Variants in SLCO3A1 observed in about 807,000 individuals in gnomAD.
SLCO3A1 encodes PGE1 transporter.
In SLCO3A1, 27 loss-of-function variants were observed where a neutral mutation model predicts 63.1. The observed-to-expected ratio is 0.43, with a 90% confidence interval of 0.32 to 0.59. SLCO3A1 has a LOEUF of 0.59. SLCO3A1 is among the 20% of genes least tolerant of loss of function. The pLI is 0.09. For missense variants in SLCO3A1, 773 were observed against 945.8 expected (o/e 0.82, Z 2.40); for synonymous variants, 473 against 409.9 (o/e 1.15, Z -1.86).
chr15:92,115,374 C>T (rs1486066468), intron 4 of SLCO3A1, among the ~76,000 whole-genome samples: 1 of 152,266 alleles, frequency 6.6e-6, no homozygotes, highest in Non-Finnish European at 1.5e-5. Flanking sequence ...CACCAAGCAG[C>T]GCACACAGAT....
At chr15:92,032,343 A>G (rs1019483389) in intron 2 of SLCO3A1, among the ~76,000 whole-genome samples, 1 of 152,072 alleles carries the variant, frequency 6.6e-6, no homozygotes, top group African/African-American at 2.4e-5. Context: ...AGGATGCAGA[A>G]CCACAGAGGT....
At chr15:92,115,278 C>T (rs909521611) in intron 4 of SLCO3A1, among the ~76,000 whole-genome samples, 5 of 152,138 alleles carry the variant, frequency 3.3e-5, no homozygotes, top group Non-Finnish European at 5.9e-5. Flanking sequence ...TTCTTGACCA[C>T]AGAGATGGCC....
chr15:91,901,004 C>T (rs1898140627), intron 1 of SLCO3A1, among the ~76,000 whole-genome samples: 1 of 152,096 alleles, frequency 6.6e-6, no homozygotes, highest in African/African-American at 2.4e-5. Flanking sequence ...GGGCTCTATT[C>T]TTAGGTTGAT....
At chr15:91,914,679 C>T (rs528662691) in intron 1 of SLCO3A1, among the ~76,000 whole-genome samples, 1 of 151,026 alleles carries the variant, frequency 6.6e-6, no homozygotes, top group East Asian at 2.0e-4. Context: ...AAGCAATTCT[C>T]CTGCCTCAGC....
chr15:92,100,991 C>T (rs1055632375), intron 3 of SLCO3A1, among the ~76,000 whole-genome samples: 2 of 152,160 alleles, frequency 1.3e-5, no homozygotes, highest in South Asian at 2.1e-4. Context: ...CTTATAGTTA[C>T]ACCTAACTTC....
intron 1 of SLCO3A1, among the ~76,000 whole-genome samples, chr15:91,907,519 C>CT (rs762360188): frequency 2.4e-4 from 36 of 150,604 alleles, no homozygotes; most frequent in Non-Finnish European, 4.1e-4. Flanking sequence ...GGAGGCCTTT[C>CT]TTTTTTTTCT....
intron 1 of SLCO3A1, among the ~76,000 whole-genome samples, chr15:91,903,112 G>C (rs577908675): frequency 5.3e-5 from 8 of 152,318 alleles, no homozygotes; most frequent in Admixed American, 5.2e-4. Flanking sequence ...CTGGTGGCTC[G>C]CACGTAGTCA....
At chr15:91,994,864 T>C (rs139779840) in intron 2 of SLCO3A1, among the ~76,000 whole-genome samples, 259 of 152,322 alleles carry the variant, frequency 1.7e-3, no homozygotes, top group African/African-American at 6.2e-3. Context: ...CCTGCAGACA[T>C]GGGCCTTGCC....
At chr15:92,131,793 G>T (rs754727430) in intron 7 of SLCO3A1, among the ~76,000 whole-genome samples, 5 of 145,622 alleles carry the variant, frequency 3.4e-5, no homozygotes, top group Non-Finnish European at 7.7e-5. Context: ...ATCTCTCAGG[G>T]CTGTCTCTCC....
At position 91,865,033 on chromosome 15, in the gene SLCO3A1, T is replaced by C. The variant is rs548662046; in HGVS notation, c.180+10945T>C. ...GGCATTTGCCATGGGCAGTGTCCTT[T>C]CTGCCCCCTCCGTGGTTGGCCACCC... On this transcript the variant is annotated intron_variant, in intron 1 of 9. Coordinates refer to ENST00000318445, the MANE Select transcript of SLCO3A1 (RefSeq NM_013272.4). The surrounding 1 kb of genome is among the most constrained non-coding windows in gnomAD (Gnocchi z 4.6). 3.7e-4 allele frequency among the ~76,000 whole-genome samples: 57 copies of C among 152,200 alleles called. No individual in the cohort carries two copies. The highest frequency in any genetic ancestry group is 6.5e-4 in the Non-Finnish European group (44 of 68,036).
intron 2 of SLCO3A1, among the ~76,000 whole-genome samples, chr15:92,080,818 T>A (rs1402714542): frequency 6.6e-6 from 1 of 152,200 alleles, no homozygotes; most frequent in Non-Finnish European, 1.5e-5. Flanking sequence ...TGGCTGCCCC[T>A]CCACCTTCCA....
chr15:91,916,004 G>T lies in SLCO3A1; in HGVS notation c.192G>T (p.Leu64=). Residue 64 remains leucine (L), a synonymous_variant, in exon 2 of 10, where the codon CTG becomes CTT. Coordinates refer to ENST00000318445, the MANE Select transcript of SLCO3A1 (RefSeq NM_013272.4). This position sits in a 1 kb window ranked among gnomAD's most constrained non-coding sequence, Gnocchi z 6.2. ...GTVGAYLVSV[L]TTLERRFNLQ... is the part of the protein sequence containing the mutation. Reference sequence around the variant, plus strand: ...CTTGCCCCCCTCAGGTGAGCGTCCTGACCACCCTGGAGCGTAGGTTCAACC... The same window carrying T: ...CTTGCCCCCCTCAGGTGAGCGTCCTTACCACCCTGGAGCGTAGGTTCAACC... 6.2e-7 allele frequency: 1 copy of T among 1,612,288 alleles called. No homozygotes were observed. The highest frequency in any genetic ancestry group is 1.1e-5 in the South Asian group (1 of 90,862).
intron 2 of SLCO3A1, among the ~76,000 whole-genome samples, chr15:92,092,585 G>A (rs1315750612): frequency 6.6e-6 from 1 of 152,018 alleles, no homozygotes; most frequent in African/African-American, 2.4e-5. Context: ...CTGGCTTCAG[G>A]ACTTTGCAGG....
At chr15:91,946,878 G>A (rs1036418205) in intron 2 of SLCO3A1, among the ~76,000 whole-genome samples, 5 of 152,114 alleles carry the variant, frequency 3.3e-5, no homozygotes, top group African/African-American at 9.7e-5. Context: ...TCTAGCCAAC[G>A]GAACCTGCCA....
intron 2 of SLCO3A1, among the ~76,000 whole-genome samples, chr15:92,016,517 C>A (rs567936041): frequency 2.7e-4 from 41 of 152,118 alleles, no homozygotes; most frequent in Non-Finnish European, 5.4e-4. Context: ...TAGGCAGTGG[C>A]AATCTCTATG....
At position 92,165,652 on chromosome 15, in the gene SLCO3A1, C is replaced by T. The variant is rs965564233; in HGVS notation, c.*2517C>T. On this transcript the variant is annotated 3_prime_UTR_variant, in exon 10 of 10. Coordinates refer to ENST00000318445, the MANE Select transcript of SLCO3A1 (RefSeq NM_013272.4). ...CAATTGGGTATAAATTTAAAGACCG[C>T]TGTTGCAGGATGGCTCTGAATTCTG... 2 of 985,340 alleles carry T rather than the reference C, an allele frequency of 2.0e-6. No individual in the cohort carries two copies. The highest frequency in any genetic ancestry group is 1.2e-6 in the Non-Finnish European group (1 of 829,908). The allele number at this position is 985,340 out of a possible 1,614,324, so 61.0% of individuals were successfully genotyped here.
At chr15:92,001,861 A>T (rs1337305689) in intron 2 of SLCO3A1, among the ~76,000 whole-genome samples, 2 of 100,382 alleles carry the variant, frequency 2.0e-5, no homozygotes, top group East Asian at 3.3e-4. Context: ...TTTGAGACGG[A>T]GTCTCGCTCT....
chr15:92,087,023 A>G lies in SLCO3A1; in HGVS notation c.647-7858A>G, dbSNP rs957154287. Reference sequence around the variant, plus strand: ...GGAATATTTCTCTACCCCCAACATCATGAAGGTACTTTACTCTGTCATTTT... The same window carrying G: ...GGAATATTTCTCTACCCCCAACATCGTGAAGGTACTTTACTCTGTCATTTT... On this transcript the variant is annotated intron_variant, in intron 2 of 9. Coordinates refer to ENST00000318445, the MANE Select transcript of SLCO3A1 (RefSeq NM_013272.4). Among the ~76,000 whole-genome samples the G allele has an allele frequency of 2.7e-5, 4 of 150,494 alleles. 1 individual carries two copies.
intron 2 of SLCO3A1, among the ~76,000 whole-genome samples, chr15:91,991,360 C>CAA (rs112342928): frequency 2.0e-5 from 3 of 146,904 alleles, no homozygotes; most frequent in Admixed American, 1.4e-4. Flanking sequence ...AACCATGTCT[C>CAA]AAAAAAAAAA....
Sources: gnomAD v4.1 joint callset for allele counts (sites outside exome capture counted in the v4.1 genomes callset) on GRCh38, gnomAD v4.1.1 for gene constraint, Gnocchi (gnomAD v3.1) non-coding constraint, MANE v1.5 for transcripts, NCBI Gene and HGNC (gene_info 2026-07-23, HGNC 2026-07-21) for gene names.